SIL1: variants seen among roughly 807,000 people sequenced by gnomAD.
The protein encoded by SIL1 is nucleotide exchange factor SIL1.
In SIL1, 40 loss-of-function variants were observed where a neutral mutation model predicts 49.1. The observed-to-expected ratio is 0.81, with a 90% CI of 0.63 to 1.06. The LOEUF is 1.06. Among genes scored for constraint, SIL1 ranks in the 50% least tolerant of loss-of-function variants. The pLI, the probability that SIL1 is intolerant of heterozygous loss-of-function variation, is 0.00. For synonymous variants in SIL1, 253 were observed against 250.8 expected (o/e 1.01, Z -0.08); for missense variants, 500 against 572.6 (o/e 0.87, Z 1.29).
At chr5:138,953,388 G>A (rs952885660) in intron 7 of SIL1, 1 of 152,394 alleles carries the variant, frequency 6.6e-6, no homozygotes, top group African/African-American at 2.4e-5. Flanking sequence ...ATGGAATGAA[G>A]ATAGCTCCCC....
At chr5:139,175,973 A>C (rs1217177456) in intron 1 of SIL1, among the ~76,000 whole-genome samples, 1 of 152,138 alleles carries the variant, frequency 6.6e-6, no homozygotes, top group African/African-American at 2.4e-5. Context: ...AAGAAAAAAA[A>C]AAGAAAACTA....
chr5:138,947,528 C>T lies in SIL1; in HGVS notation c.1030-55G>A. 2.0e-6 allele frequency: 3 copies of T among 1,520,950 alleles called. No homozygotes were observed. The highest frequency in any genetic ancestry group is 2.7e-6 in the Non-Finnish European group (3 of 1,096,362). 94.2% of individuals were successfully genotyped at this position (1,520,950 alleles called of 1,614,324 possible). On this transcript the variant is annotated intron_variant, in intron 9 of 9. Transcript: ENST00000394817. This position sits in a 1 kb window ranked among gnomAD's most constrained non-coding sequence, Gnocchi z 4.1. ...AGGGTGGGGGTGGGGAGAGAACACA[C>T]AGGGAGCAGTTAGCTCACACCTGGC...
At chr5:139,082,494 C>A (rs1770103204) in intron 3 of SIL1, among the ~76,000 whole-genome samples, 1 of 152,196 alleles carries the variant, frequency 6.6e-6, no homozygotes, top group Non-Finnish European at 1.5e-5. Context: ...GATACAAAGA[C>A]CAGAATCTAT....
chr5:139,081,112 C>A (rs563194442), intron 3 of SIL1, among the ~76,000 whole-genome samples: 2 of 152,128 alleles, frequency 1.3e-5, no homozygotes, highest in Admixed American at 6.5e-5. Context: ...TCCTGTCCTA[C>A]GACAGACATT....
chr5:139,171,707 T>A (rs567854104), intron 1 of SIL1, among the ~76,000 whole-genome samples: 103 of 105,790 alleles, frequency 9.7e-4, no homozygotes, highest in East Asian at 3.4e-3. Context: ...TAAAAAAAAA[T>A]AAAAAGAAAA....
At chr5:139,137,519 A>C in intron 1 of SIL1, 1 of 521,878 alleles carries the variant, frequency 1.9e-6, no homozygotes, top group Admixed American at 3.5e-5. Flanking sequence ...TCAGGACAGA[A>C]ATTTTTTTTT....
chr5:138,995,153 T>C (rs1231858988), intron 7 of SIL1, among the ~76,000 whole-genome samples: 1 of 152,220 alleles, frequency 6.6e-6, no homozygotes, highest in Non-Finnish European at 1.5e-5. Flanking sequence ...GTAATGAACA[T>C]AGGCATGCAT....
At chr5:138,987,603 A>T (rs57858251) in intron 7 of SIL1, among the ~76,000 whole-genome samples, 2,972 of 152,282 alleles carry the variant, frequency 0.02, 76 homozygotes, top group African/African-American at 0.063. Context: ...GGCATGATAT[A>T]TGGCTTTTGT....
intron 1 of SIL1, among the ~76,000 whole-genome samples, chr5:139,133,063 CA>C (rs11302256): frequency 0.95 from 141,413 of 148,526 alleles, 67,355 homozygotes; most frequent in East Asian, 0.99. Context: ...GCATACCCTG[CA>C]AAAAAAAAAA....
chr5:139,056,003 C>T (rs1429045438), intron 3 of SIL1, among the ~76,000 whole-genome samples: 1 of 151,670 alleles, frequency 6.6e-6, no homozygotes, highest in Non-Finnish European at 1.5e-5. Flanking sequence ...AGTGCAGTGG[C>T]GTGATCTCGG....
chr5:139,170,330 C>T (rs1278489591), intron 1 of SIL1, among the ~76,000 whole-genome samples: 3 of 151,250 alleles, frequency 2.0e-5, no homozygotes, highest in East Asian at 2.0e-4. Flanking sequence ...GGCCGCCCAT[C>T]GTGTGGGACG....
At chr5:139,024,158 A>G (rs1768593602) in intron 6 of SIL1, among the ~76,000 whole-genome samples, 1 of 152,210 alleles carries the variant, frequency 6.6e-6, no homozygotes, top group African/African-American at 2.4e-5. Flanking sequence ...GCCCATGGTG[A>G]CCTGATACCT....
At chr5:139,031,117 A>G (rs528812780) in intron 5 of SIL1, among the ~76,000 whole-genome samples, 112 of 152,266 alleles carry the variant, frequency 7.4e-4, no homozygotes, top group Non-Finnish European at 1.2e-3. Context: ...AAACTTTTTA[A>G]TTTTGGTGAA....
rs35417365 is a variant in SIL1, at chr5:139,005,247, T to TA, written c.767+15923dup. ...AATACATATAATTTTATCTGCCAAG[T>TA]AAAAAAAAATTTTTTTTAATTTAAA... On this transcript the variant is annotated intron_variant, in intron 7 of 9. Transcript: ENST00000394817. 7.9e-5 allele frequency among the ~76,000 whole-genome samples: 12 copies of TA among 151,388 alleles called. No homozygotes were observed. In the East Asian group the frequency reaches 2.1e-3, roughly 27 times the overall value.
intron 3 of SIL1, among the ~76,000 whole-genome samples, chr5:139,053,487 A>G (rs1174778254): frequency 2.6e-5 from 4 of 152,150 alleles, no homozygotes; most frequent in Non-Finnish European, 4.4e-5. Flanking sequence ...CCAAAATACC[A>G]AACCTATGTC....
chr5:139,023,534 G>T (rs547932842), intron 6 of SIL1, among the ~76,000 whole-genome samples: 3 of 152,316 alleles, frequency 2.0e-5, no homozygotes, highest in Admixed American at 1.3e-4. Context: ...GACGGAGGCC[G>T]CTCCTCATAA....
rs927866371 is a variant in SIL1 at position 139,184,678 on chromosome 5, A to T, written c.-11+13591T>A. On this transcript the variant is annotated intron_variant, in intron 1 of 9. Coordinates refer to ENST00000394817, the MANE Select transcript of SIL1 (RefSeq NM_022464.5). The stretch of plus-strand genomic sequence containing the variant: ...GTGAGTGAGATGTTGTCTCTAAAAA[A>T]ACTACAACTAAAAAATAAATAAATG... Among the ~76,000 whole-genome samples the T allele has an allele frequency of 4.6e-5, 7 of 152,304 alleles. No individual in the cohort carries two copies. In the South Asian group the frequency reaches 1.2e-3, roughly 27 times the overall value.
intron 1 of SIL1, among the ~76,000 whole-genome samples, chr5:139,176,155 C>G (rs377396442): frequency 1.1e-4 from 16 of 152,064 alleles, no homozygotes; most frequent in African/African-American, 3.9e-4. Flanking sequence ...GCCACTGCAC[C>G]CTGACTCTTT....
intron 3 of SIL1, among the ~76,000 whole-genome samples, chr5:139,086,630 T>TACA (rs1770227982): frequency 1.3e-5 from 2 of 151,714 alleles, no homozygotes; most frequent in Non-Finnish European, 2.9e-5. Flanking sequence ...GTGCTGGGAT[T>TACA]ACAGGCATAA....
Sources: allele counts gnomAD v4.1 joint callset (sites outside exome capture counted in the v4.1 genomes callset), GRCh38; gene constraint gnomAD v4.1.1; non-coding constraint Gnocchi (gnomAD v3.1); transcripts MANE v1.5; gene names NCBI Gene and HGNC (gene_info 2026-07-23, HGNC 2026-07-21).